PRKCA: variants seen among roughly 807,000 people sequenced by gnomAD.
PRKCA encodes protein kinase C alpha type.
In PRKCA, 27 loss-of-function variants were observed where a neutral mutation model predicts 87.0. The observed-to-expected ratio is 0.31, with a 90% CI of 0.23 to 0.43. The LOEUF (loss-of-function observed/expected upper bound fraction) is 0.43, where lower values mean the gene tolerates loss of function less well. Among genes scored for constraint, PRKCA ranks in the 20% least tolerant of loss-of-function variants. The pLI is 1.00. For missense variants in PRKCA, 518 were observed against 852.3 expected, an observed-to-expected ratio of 0.61 and a Z score of 4.88; for synonymous variants, 329 against 311.1, an observed-to-expected ratio of 1.06 and a Z score of -0.61.
chr17:66,527,508 G>A (rs1967387766), intron 3 of PRKCA, among the ~76,000 whole-genome samples: 1 of 152,312 alleles, frequency 6.6e-6, no homozygotes, highest in Middle Eastern at 3.4e-3. Context: ...GATTATTTCT[G>A]TTCTGCTGAA....
chr17:66,668,364 A>C (rs757330974), intron 5 of PRKCA, among the ~76,000 whole-genome samples: 5 of 152,232 alleles, frequency 3.3e-5, no homozygotes, highest in African/African-American at 4.8e-5. Flanking sequence ...AGGTGAGAAG[A>C]ACTTCAGGGT....
At chr17:66,329,159 CAAA>C in intron 2 of PRKCA, among the ~76,000 whole-genome samples, 1 of 152,132 alleles carries the variant, frequency 6.6e-6, no homozygotes, top group South Asian at 2.1e-4. Context: ...CAAACGTTTG[CAAA>C]TCCAGGATCC....
intron 2 of PRKCA, among the ~76,000 whole-genome samples, chr17:66,354,367 A>G (rs754595515): frequency 5.2e-4 from 79 of 152,372 alleles, no homozygotes; most frequent in Non-Finnish European, 1.1e-3. Context: ...TCACCTCTGC[A>G]TACAGGATGC....
intron 6 of PRKCA, among the ~76,000 whole-genome samples, chr17:66,687,581 A>G (rs1270049051): frequency 6.6e-6 from 1 of 152,200 alleles, no homozygotes; most frequent in East Asian, 1.9e-4. Context: ...CCACCTCTTG[A>G]TGGACTTAGG....
chr17:66,567,311 G>A (rs569255494), intron 3 of PRKCA, among the ~76,000 whole-genome samples: 33 of 152,328 alleles, frequency 2.2e-4, no homozygotes, highest in African/African-American at 7.2e-4. Flanking sequence ...CAGTGGCACC[G>A]AACAACTTCT....
At chr17:66,705,364 G>C (rs1973165299) in intron 8 of PRKCA, among the ~76,000 whole-genome samples, 1 of 152,208 alleles carries the variant, frequency 6.6e-6, no homozygotes, top group Admixed American at 6.5e-5. Context: ...AAGGAAGCAA[G>C]ACAGCCTCTG....
rs1365047784 is a variant in PRKCA, at chr17:66,689,994, G to A, written c.918+947G>A. 6.6e-6 allele frequency among the ~76,000 whole-genome samples: 1 copy of A among 151,982 alleles called. No homozygotes were observed. The highest frequency in any genetic ancestry group is 2.4e-5 in the African/African-American group (1 of 41,346). On this transcript the variant is annotated intron_variant, in intron 8 of 16. Transcript: ENST00000413366. The surrounding 1 kb of genome is among the most constrained non-coding windows in gnomAD (Gnocchi z 4.1). ...TGCTACTGAAATGTTGACACTAATG[G>A]GATGCTGATGCTCCTCTTTTCCTTC... is the stretch of plus-strand genomic sequence containing the variant.
Position 66,406,585 on chromosome 17 carries a change from G to GTTTTTTTTTTTTTTTTTTTTT in PRKCA, c.206-89612_206-89592dup, listed in dbSNP as rs71160568. ...TCATGTAGCATTGTAGCTTTTCCAGGTTTTTTTTTTTTTTTTTTTTTTTTA... is the reference window on the plus strand; with the variant it reads ...TCATGTAGCATTGTAGCTTTTCCAGGTTTTTTTTTTTTTTTTTTTTTTTTTTTTTTTTTTTTTTTTTTTTTA... On this transcript the variant is annotated intron_variant, in intron 2 of 16. Coordinates refer to ENST00000413366, the MANE Select transcript of PRKCA (RefSeq NM_002737.3). Among the ~76,000 whole-genome samples, 102 of 70,178 alleles carry GTTTTTTTTTTTTTTTTTTTTT rather than the reference G, an allele frequency of 1.5e-3. 20 individuals are homozygous for GTTTTTTTTTTTTTTTTTTTTT. The highest frequency in any genetic ancestry group is 3.0e-3 in the African/African-American group (66 of 21,694). 46.0% of individuals were successfully genotyped at this position (70,178 alleles called of 152,430 possible).
chr17:66,713,871 A>G (rs1973403846), intron 8 of PRKCA, among the ~76,000 whole-genome samples: 2 of 152,108 alleles, frequency 1.3e-5, no homozygotes, highest in Admixed American at 1.3e-4. Flanking sequence ...TGAATTCCCA[A>G]TGGTCATGGG....
At position 66,804,250 on chromosome 17, in the gene PRKCA, T is replaced by C. The variant is rs374351550; in HGVS notation, c.*213T>C. 1.7e-6 allele frequency: 1 copy of C among 599,752 alleles called. No individual in the cohort carries two copies. The highest frequency in any genetic ancestry group is 3.1e-5 in the East Asian group (1 of 32,230). The allele number at this position is 599,752 out of a possible 1,614,324, so 37.2% of individuals were successfully genotyped here. ...TATCTTAGTGGAAGATGGTACGTCA[T>C]GCTCAGTGTCCAGTTTAATTCTGTA... is the stretch of plus-strand genomic sequence containing the variant. On this transcript the variant is annotated 3_prime_UTR_variant, in exon 17 of 17. Coordinates refer to ENST00000413366, the MANE Select transcript of PRKCA (RefSeq NM_002737.3).
At chr17:66,676,079 C>A (rs1426380833) in intron 5 of PRKCA, among the ~76,000 whole-genome samples, 2 of 152,162 alleles carry the variant, frequency 1.3e-5, no homozygotes, top group Non-Finnish European at 2.9e-5. Context: ...CCGAGGAGTT[C>A]TGGCTCCCGG....
chr17:66,615,103 C>T (rs951132452), intron 3 of PRKCA, among the ~76,000 whole-genome samples: 4 of 152,096 alleles, frequency 2.6e-5, no homozygotes, highest in Admixed American at 6.5e-5. Flanking sequence ...CCAGCCCTCG[C>T]GTTTGTGATG....
At chr17:66,608,790 A>T (rs912522344) in intron 3 of PRKCA, among the ~76,000 whole-genome samples, 8 of 152,128 alleles carry the variant, frequency 5.3e-5, no homozygotes, top group African/African-American at 1.9e-4. Flanking sequence ...ATAGGCCAAG[A>T]GTTGATTGTT....
chr17:66,338,923 C>G (rs571082189), intron 2 of PRKCA, among the ~76,000 whole-genome samples: 1 of 152,046 alleles, frequency 6.6e-6, no homozygotes, highest in African/African-American at 2.4e-5. Flanking sequence ...ATCTTGAGGT[C>G]GTAGAAGAAA....
chr17:66,506,639 G>A (rs1232531562), intron 3 of PRKCA, among the ~76,000 whole-genome samples: 15 of 152,152 alleles, frequency 9.9e-5, no homozygotes, highest in Non-Finnish European at 1.6e-4. Context: ...AAGAGTAGCC[G>A]TCTCATCAGC....
chr17:66,470,863 A>T (rs1189841610), intron 2 of PRKCA, among the ~76,000 whole-genome samples: 1 of 152,224 alleles, frequency 6.6e-6, no homozygotes, highest in Non-Finnish European at 1.5e-5. Flanking sequence ...CCGCCCTTGT[A>T]GGCTGATTAG....
Position 66,624,787 on chromosome 17 carries a change from CAAATAAAT to C in PRKCA, c.289-16536_289-16529del, listed in dbSNP as rs3064605. Among the ~76,000 whole-genome samples, 1,339 of 143,688 alleles carry C rather than the reference CAAATAAAT, an allele frequency of 9.3e-3. 7 individuals are homozygous for C. Among genetic ancestry groups the C allele is most frequent in the South Asian group, 0.03 (131 of 4,350 alleles). The allele number at this position is 143,688 out of a possible 152,430, so 94.3% of individuals were successfully genotyped here. A position where few individuals can be genotyped will look rare whatever the true frequency, so the allele number is the denominator to read the frequency against. ...TAGGTGACAGAGTGAGACTCCATCTCAAATAAATAAATAAATAAATAAATAAATAAATA... is the reference window on the plus strand; with the variant it reads ...TAGGTGACAGAGTGAGACTCCATCTCAAATAAATAAATAAATAAATAAATA... On this transcript the variant is annotated intron_variant, in intron 3 of 16. Transcript: ENST00000413366.
chr17:66,712,913 C>T (rs1334497080), intron 8 of PRKCA, among the ~76,000 whole-genome samples: 2 of 152,174 alleles, frequency 1.3e-5, no homozygotes, highest in Non-Finnish European at 2.9e-5. Context: ...GTGTTTGCTG[C>T]AGTCATTACT....
intron 5 of PRKCA, among the ~76,000 whole-genome samples, chr17:66,667,618 G>T (rs188412336): frequency 2.8e-4 from 43 of 152,282 alleles, no homozygotes; most frequent in African/African-American, 9.9e-4. Flanking sequence ...GATGAGATTT[G>T]GGTGCAGACA....
Sources: allele counts gnomAD v4.1 joint callset (sites outside exome capture counted in the v4.1 genomes callset), GRCh38; gene constraint gnomAD v4.1.1; non-coding constraint Gnocchi (gnomAD v3.1); transcripts MANE v1.5; gene names NCBI Gene and HGNC (gene_info 2026-07-23, HGNC 2026-07-21).